Variants in BOLA3 observed in about 807,000 individuals in gnomAD.
BOLA3 encodes bolA-like protein 3.
Under a neutral mutation model 14.5 loss-of-function variants are expected in BOLA3, and 8 were observed. The observed-to-expected ratio is 0.55, with a 90% confidence interval of 0.32 to 0.99. BOLA3 has a LOEUF of 0.99. BOLA3 is among the 50% of genes least tolerant of loss of function. The pLI, the probability that BOLA3 is intolerant of heterozygous loss-of-function variation, is 0.04. For missense variants in BOLA3, 115 were observed against 138.2 expected, an observed-to-expected ratio of 0.83 and a Z score of 0.84; for synonymous variants, 42 against 45.7, an observed-to-expected ratio of 0.92 and a Z score of 0.33.
intron 3 of BOLA3, 127 bp from the exon 4 acceptor site, chr2:74,135,785 T>G: frequency 2.6e-6 from 2 of 774,654 alleles, no homozygotes; most frequent in South Asian, 3.3e-5. Context: ...AAGCAATTTT[T>G]CCTTTTTTTG....
chr2:74,142,390 A>C, intron 2 of BOLA3, 30 bp from the exon 3 acceptor site: 1 of 1,541,812 alleles, frequency 6.5e-7, no homozygotes, highest in South Asian at 1.1e-5. Context: ...AAAGCATTTC[A>C]ATTATTAAGT....
chr2:74,137,721 G>A (rs828877), intron 3 of BOLA3, among the ~76,000 whole-genome samples: 49,169 of 151,998 alleles, frequency 0.32, 9,008 homozygotes, highest in Middle Eastern at 0.46. Flanking sequence ...GCCCTGATCC[G>A]GGAGCTCCTG....
At chr2:74,138,315 GA>G (rs1458000448) in intron 3 of BOLA3, among the ~76,000 whole-genome samples, 1 of 152,242 alleles carries the variant, frequency 6.6e-6, no homozygotes, top group East Asian at 1.9e-4. Context: ...AAAGGCGTGG[GA>G]AAGTAATGAA....
chr2:74,144,215 G>A (rs1171501122), intron 2 of BOLA3, among the ~76,000 whole-genome samples: 2 of 150,940 alleles, frequency 1.3e-5, no homozygotes, highest in Non-Finnish European at 2.9e-5. Flanking sequence ...CACCATGTTG[G>A]CCAGGCTGGT....
At chr2:74,143,403 C>T (rs1310205526) in intron 2 of BOLA3, among the ~76,000 whole-genome samples, 1 of 152,184 alleles carries the variant, frequency 6.6e-6, no homozygotes, top group Non-Finnish European at 1.5e-5. Flanking sequence ...TCGTGATCCA[C>T]CCGCCTCGGC....
rs1230953693 is a variant in BOLA3, at chr2:74,142,335, A to C, written c.195T>G (p.Ile65Met). ...ISGGCGAMYE[I>M]KIESEEFKEK... ...CCTTAAATTCTTCTGATTCAATTTTAATTTCATACATCGCCCCACAACCTC... is the reference window on the plus strand; with the variant it reads ...CCTTAAATTCTTCTGATTCAATTTTCATTTCATACATCGCCCCACAACCTC... The change falls in exon 3 of 4, where the codon ATT becomes ATG. Residue 65 changes from isoleucine to methionine, a missense_variant. Coordinates refer to ENST00000327428, the MANE Select transcript of BOLA3 (RefSeq NM_212552.3). 1 of 1,613,720 alleles carries C rather than the reference A, an allele frequency of 6.2e-7. No homozygotes were observed. The highest frequency in any genetic ancestry group is 1.1e-5 in the South Asian group (1 of 91,080).
chr2:74,139,745 G>A (rs1432679807), intron 3 of BOLA3, among the ~76,000 whole-genome samples: 1 of 152,188 alleles, frequency 6.6e-6, no homozygotes, highest in African/African-American at 2.4e-5. Flanking sequence ...ACCCCCTCAT[G>A]TCAGCTGCCT....
At chr2:74,147,494 C>T (rs1692567985) in intron 1 of BOLA3, 2 of 385,304 alleles carry the variant, frequency 5.2e-6, no homozygotes, top group South Asian at 2.7e-5. Context: ...GGCTATGACT[C>T]CTGTCTTCTG....
intron 1 of BOLA3, 75 bp from the exon 2 acceptor site, chr2:74,145,378 C>T (rs1032266694): frequency 2.3e-5 from 21 of 900,350 alleles, no homozygotes; most frequent in South Asian, 2.1e-4. Context: ...TGTGCAGGCC[C>T]GCCTGCCATT....
At chr2:74,147,665 G>T in intron 1 of BOLA3, 156 bp downstream of exon 1, 1 of 736,490 alleles carries the variant, frequency 1.4e-6, no homozygotes, top group South Asian at 1.6e-5. Context: ...ATGAATGAAT[G>T]AAAGAATGAA....
intron 2 of BOLA3, among the ~76,000 whole-genome samples, chr2:74,143,473 T>C (rs1255213608): frequency 6.6e-6 from 1 of 151,978 alleles, no homozygotes; most frequent in Non-Finnish European, 1.5e-5. Context: ...CTGTTTTTCT[T>C]ATAATGTGCT....
chr2:74,136,587 C>G (rs1692335289), intron 3 of BOLA3, among the ~76,000 whole-genome samples: 1 of 152,174 alleles, frequency 6.6e-6, no homozygotes, highest in Non-Finnish European at 1.5e-5. Context: ...CTACACTTTG[C>G]TCTTCCCCCA....
At chr2:74,143,559 G>C (rs1183967254) in intron 2 of BOLA3, among the ~76,000 whole-genome samples, 1 of 152,190 alleles carries the variant, frequency 6.6e-6, no homozygotes, top group Non-Finnish European at 1.5e-5. Context: ...GGACTGCGCA[G>C]AGCCACAGCT....
intron 3 of BOLA3, among the ~76,000 whole-genome samples, chr2:74,139,017 G>A (rs1483992215): frequency 1.3e-5 from 2 of 152,190 alleles, no homozygotes; most frequent in Admixed American, 6.5e-5. Context: ...GCCTCCTAGG[G>A]CGTGGCCCAC....
At chr2:74,136,764 T>C (rs1308771551) in intron 3 of BOLA3, among the ~76,000 whole-genome samples, 1 of 152,234 alleles carries the variant, frequency 6.6e-6, no homozygotes, top group African/African-American at 2.4e-5. Flanking sequence ...CATCAAGCAT[T>C]CTTTAAAATG....
At chr2:74,136,578 T>C (rs1692335134) in intron 3 of BOLA3, among the ~76,000 whole-genome samples, 1 of 152,234 alleles carries the variant, frequency 6.6e-6, no homozygotes, top group Non-Finnish European at 1.5e-5. Flanking sequence ...ACCCCTGCTC[T>C]ACACTTTGCT....
At chr2:74,136,340 G>T (rs79879038) in intron 3 of BOLA3, among the ~76,000 whole-genome samples, 4,157 of 152,214 alleles carry the variant, frequency 0.027, 210 homozygotes, top group African/African-American at 0.096. Flanking sequence ...CTTTTAAAAC[G>T]CAAATGGTTA....
At chr2:74,137,896 G>T (rs552196734) in intron 3 of BOLA3, among the ~76,000 whole-genome samples, 1 of 152,330 alleles carries the variant, frequency 6.6e-6, no homozygotes, top group African/African-American at 2.4e-5. Context: ...CTCTCTGCAG[G>T]CGTGGAATGC....
At chr2:74,142,810 G>T (rs977042562) in intron 2 of BOLA3, among the ~76,000 whole-genome samples, 3 of 152,204 alleles carry the variant, frequency 2.0e-5, no homozygotes, top group Non-Finnish European at 4.4e-5. Flanking sequence ...ACTGTCCAAA[G>T]AAAGGAAAGA....
Sources: allele counts gnomAD v4.1 joint callset (sites outside exome capture counted in the v4.1 genomes callset), GRCh38; gene constraint gnomAD v4.1.1; transcripts MANE v1.5; gene names NCBI Gene and HGNC (gene_info 2026-07-23, HGNC 2026-07-21).